Variants in ASIC2 observed in about 807,000 individuals in gnomAD.
The protein encoded by ASIC2 is acid sensing ion channel subunit 2.
ASIC2 carries 25 observed loss-of-function variants against 57.3 expected under a neutral mutation model. That is an observed-to-expected ratio of 0.44 (90% CI 0.32 to 0.61). ASIC2 has a LOEUF of 0.61. ASIC2 is among the 20% of genes least tolerant of loss of function. The probability of loss-of-function intolerance (pLI) is 0.06; values close to 1 mark genes in which losing one functional copy is unlikely to be tolerated. For synonymous variants in ASIC2, 319 were observed against 307.5 expected, an observed-to-expected ratio of 1.04 and a Z score of -0.39; for missense variants, 641 against 738.1, an observed-to-expected ratio of 0.87 and a Z score of 1.52.
chr17:33,998,884 G>C (rs950552094), intron 1 of ASIC2, among the ~76,000 whole-genome samples: 2 of 151,960 alleles, frequency 1.3e-5, no homozygotes, highest in East Asian at 3.9e-4. Flanking sequence ...AGGTCCATTT[G>C]GTCTATAGTG....
intron 1 of ASIC2, among the ~76,000 whole-genome samples, chr17:33,400,873 G>C (rs996978078): frequency 6.6e-6 from 1 of 152,060 alleles, no homozygotes; most frequent in East Asian, 1.9e-4. Context: ...TTTTCAAACT[G>C]CCTATAGGTT....
At chr17:33,383,069 C>T (rs1909548044) in intron 1 of ASIC2, among the ~76,000 whole-genome samples, 1 of 147,008 alleles carries the variant, frequency 6.8e-6, no homozygotes, top group Non-Finnish European at 1.5e-5. Context: ...CACAAAAAAA[C>T]AAACAAAAAA....
chr17:33,101,105 G>C (rs1450505905), intron 2 of ASIC2, among the ~76,000 whole-genome samples: 1 of 152,150 alleles, frequency 6.6e-6, no homozygotes, highest in East Asian at 1.9e-4. Context: ...CTGTGCCCTG[G>C]ACACTCGGAA....
rs749626842 is a variant in ASIC2 at position 33,291,432 on chromosome 17, G to C, written c.684C>G (p.Leu228=). Residue 228 remains leucine (L), a synonymous_variant, in exon 1 of 10, where the codon CTC becomes CTG. Coordinates refer to ENST00000225823, the MANE Select transcript of ASIC2 (RefSeq NM_183377.2). The part of the protein sequence containing the change: ...MLLSCKYRGE[L]CGPHNFSSVF... Reference sequence around the variant, plus strand: ...CGGAGGAGAAGTTGTGCGGCCCGCAGAGCTCGCCGCGGTACTTGCAGGAGA... The same window carrying C: ...CGGAGGAGAAGTTGTGCGGCCCGCACAGCTCGCCGCGGTACTTGCAGGAGA... 140 of 1,604,844 alleles carry C rather than the reference G, an allele frequency of 8.7e-5. No homozygotes were observed. In the South Asian group the frequency reaches 1.5e-3, roughly 17 times the overall value.
intron 1 of ASIC2, among the ~76,000 whole-genome samples, chr17:33,693,448 T>C (rs1040232359): frequency 7.2e-5 from 11 of 152,186 alleles, no homozygotes; most frequent in African/African-American, 2.7e-4. Flanking sequence ...TGGGGCAAAT[T>C]GGCCTGGAGC....
intron 1 of ASIC2, among the ~76,000 whole-genome samples, chr17:33,389,064 A>G (rs1334265670): frequency 6.6e-6 from 1 of 152,206 alleles, no homozygotes; most frequent in Non-Finnish European, 1.5e-5. Flanking sequence ...GGTTCAAGCA[A>G]TACTCATGCC....
At chr17:33,637,805 G>C (rs1422972450) in intron 1 of ASIC2, among the ~76,000 whole-genome samples, 1 of 152,228 alleles carries the variant, frequency 6.6e-6, no homozygotes, top group Non-Finnish European at 1.5e-5. Flanking sequence ...TAAAGAAAGA[G>C]TTTAATTGAA....
chr17:33,729,293 A>T (rs921745148), intron 1 of ASIC2, among the ~76,000 whole-genome samples: 2 of 152,146 alleles, frequency 1.3e-5, no homozygotes, highest in Admixed American at 6.5e-5. Flanking sequence ...TTAAACAACC[A>T]GATCTTGTGG....
chr17:33,444,768 C>G (rs1270905321), intron 1 of ASIC2, among the ~76,000 whole-genome samples: 1 of 152,234 alleles, frequency 6.6e-6, no homozygotes, highest in African/African-American at 2.4e-5. Context: ...GCAGTGATCA[C>G]AGCTCACCCC....
At chr17:33,422,902 G>T (rs1450060394) in intron 1 of ASIC2, among the ~76,000 whole-genome samples, 1 of 152,156 alleles carries the variant, frequency 6.6e-6, no homozygotes, top group Non-Finnish European at 1.5e-5. Context: ...TGAGACTAAA[G>T]GCAGGAAGGT....
chr17:33,333,518 A>T (rs1191968652), intron 1 of ASIC2, among the ~76,000 whole-genome samples: 1 of 152,188 alleles, frequency 6.6e-6, no homozygotes, highest in Non-Finnish European at 1.5e-5. Flanking sequence ...AAATATCTCA[A>T]CTCAGAATAA....
At chr17:33,818,332 T>C (rs1481816400) in intron 1 of ASIC2, among the ~76,000 whole-genome samples, 1 of 152,202 alleles carries the variant, frequency 6.6e-6, no homozygotes, top group East Asian at 1.9e-4. Context: ...TAGCTTTTAT[T>C]ATGAATAAAC....
intron 5 of ASIC2, among the ~76,000 whole-genome samples, chr17:33,025,210 A>C (rs569062919): frequency 6.6e-6 from 1 of 152,244 alleles, no homozygotes; most frequent in South Asian, 2.1e-4. Flanking sequence ...GCTTGTCTTG[A>C]TTATAAGCCA....
intron 1 of ASIC2, among the ~76,000 whole-genome samples, chr17:34,094,349 A>G (rs1016391832): frequency 6.6e-6 from 1 of 152,190 alleles, no homozygotes; most frequent in Non-Finnish European, 1.5e-5. Context: ...CTCATATGGC[A>G]ATTTCTAACT....
intron 1 of ASIC2, among the ~76,000 whole-genome samples, chr17:33,724,254 C>T (rs1909478095): frequency 6.6e-6 from 1 of 152,152 alleles, no homozygotes; most frequent in Non-Finnish European, 1.5e-5. Context: ...CATTAAACCT[C>T]TTTTTCTTTA....
chr17:33,711,434 G>A (rs1273181814), intron 1 of ASIC2, among the ~76,000 whole-genome samples: 3 of 152,160 alleles, frequency 2.0e-5, no homozygotes, highest in Admixed American at 6.5e-5. Context: ...CTCCATATGC[G>A]GTCAAAGGGT....
intron 1 of ASIC2, among the ~76,000 whole-genome samples, chr17:33,222,658 C>T (rs1219076876): frequency 6.6e-6 from 1 of 152,182 alleles, no homozygotes; most frequent in Non-Finnish European, 1.5e-5. Context: ...GAGCTTTCTC[C>T]ACTCCCCTGG....
rs140145150 is a variant in ASIC2, at chr17:33,935,136, G to A, written c.555+220842C>T. On this transcript the variant is annotated intron_variant, in intron 1 of 9. Coordinates refer to the ASIC2 transcript ENST00000359872. ...TGCCCCAAACAATCATGTCACACTC[G>A]TTCCCACCTCTGTGCTCCTTTACAC... 1.5e-3 allele frequency among the ~76,000 whole-genome samples: 223 copies of A among 152,264 alleles called. 1 individual carries two copies. The highest frequency in any genetic ancestry group is 0.014 in the Middle Eastern group (4 of 294).
At chr17:33,145,112 A>G (rs940220975) in intron 1 of ASIC2, among the ~76,000 whole-genome samples, 10 of 152,062 alleles carry the variant, frequency 6.6e-5, no homozygotes, top group African/African-American at 2.4e-4. Context: ...TCAGCTTCAA[A>G]CCCTTCTATG....
Sources: allele counts gnomAD v4.1 joint callset (sites outside exome capture counted in the v4.1 genomes callset), GRCh38; gene constraint gnomAD v4.1.1; transcripts MANE v1.5; gene names NCBI Gene and HGNC (gene_info 2026-07-23, HGNC 2026-07-21).